The following DLC1 variants were observed in gnomAD, a reference collection of about 807,000 sequenced individuals.
The protein encoded by DLC1 is rho GTPase-activating protein 7.
In DLC1, 54 loss-of-function variants were observed where a neutral mutation model predicts 140.3. That is an observed-to-expected ratio of 0.38 (90% CI 0.31 to 0.48). The LOEUF (loss-of-function observed/expected upper bound fraction) is 0.48. Among genes scored for constraint, DLC1 ranks in the 20% least tolerant of loss-of-function variants. The pLI is 0.96. For synonymous variants in DLC1, 986 were observed against 728.1 expected, an observed-to-expected ratio of 1.35 and a Z score of -5.70; for missense variants, 2,536 against 1,907.0, an observed-to-expected ratio of 1.33 and a Z score of -6.14.
chr8:13,311,849 C>A (rs2117550964), intron 4 of DLC1, among the ~76,000 whole-genome samples: 1 of 152,240 alleles, frequency 6.6e-6, no homozygotes, highest in Non-Finnish European at 1.5e-5. Flanking sequence ...GGGATTCTGA[C>A]CTTGAAAATT....
At chr8:13,400,814 T>A (rs289582) in intron 3 of DLC1, among the ~76,000 whole-genome samples, 1 of 151,840 alleles carries the variant, frequency 6.6e-6, no homozygotes, top group Non-Finnish European at 1.5e-5. Context: ...GCCTTTAATA[T>A]GATGCTGATA....
At chr8:13,305,043 C>G in intron 5 of DLC1, 1 of 1,165,626 alleles carries the variant, frequency 8.6e-7, no homozygotes, top group South Asian at 3.8e-5. Flanking sequence ...AAGGAAGACC[C>G]CAAGAAACAC....
chr8:13,526,759 C>G (rs113498179), intron 1 of DLC1, among the ~76,000 whole-genome samples: 77 of 151,956 alleles, frequency 5.1e-4, no homozygotes, highest in Middle Eastern at 3.4e-3. Context: ...ACATCACACA[C>G]CAGGGCCTGC....
At chr8:13,182,246 A>G (rs770610658) in intron 5 of DLC1, among the ~76,000 whole-genome samples, 1 of 151,788 alleles carries the variant, frequency 6.6e-6, no homozygotes, top group Non-Finnish European at 1.5e-5. Flanking sequence ...GTAGATTGCA[A>G]AAATTTTCTC....
At chr8:13,368,394 A>G (rs748161338) in intron 4 of DLC1, among the ~76,000 whole-genome samples, 2 of 152,144 alleles carry the variant, frequency 1.3e-5, no homozygotes, top group Admixed American at 6.6e-5. Context: ...TGATTAAAGC[A>G]TTGCCTTGCA....
At chr8:13,478,592 C>G (rs866516707) in intron 2 of DLC1, among the ~76,000 whole-genome samples, 2 of 152,180 alleles carry the variant, frequency 1.3e-5, no homozygotes, top group Admixed American at 6.5e-5. Flanking sequence ...AAAGTCTAAG[C>G]CCAGTCTTTC....
intron 1 of DLC1, among the ~76,000 whole-genome samples, chr8:13,530,219 T>A (rs1219764352): frequency 1.3e-5 from 2 of 152,214 alleles, no homozygotes; most frequent in East Asian, 3.9e-4. Context: ...TCTTCCCATA[T>A]CTATTTAGAT....
intron 5 of DLC1, among the ~76,000 whole-genome samples, chr8:13,303,254 A>AG (rs1466995764): frequency 6.6e-6 from 1 of 152,170 alleles, no homozygotes; most frequent in Admixed American, 6.5e-5. Flanking sequence ...GTCCATCCTG[A>AG]GTTGCTAGGT....
chr8:13,202,891 C>G (rs1388927416), intron 5 of DLC1, among the ~76,000 whole-genome samples: 2 of 152,102 alleles, frequency 1.3e-5, no homozygotes, highest in East Asian at 1.9e-4. Context: ...CAAGGCTGGT[C>G]TTGAACTCCT....
chr8:13,312,383 A>T (rs202032961), intron 4 of DLC1, among the ~76,000 whole-genome samples: 1,215 of 94,020 alleles, frequency 0.013, 114 homozygotes, highest in African/African-American at 0.053. Flanking sequence ...AAAAAAAAAA[A>T]AAAAATAATT....
chr8:13,491,076 A>G (rs1284596934), intron 2 of DLC1, among the ~76,000 whole-genome samples: 1 of 148,004 alleles, frequency 6.8e-6, no homozygotes, highest in Non-Finnish European at 1.5e-5. Flanking sequence ...TTAAATCTGA[A>G]TATATACATA....
At chr8:13,242,685 G>A (rs951801426) in intron 5 of DLC1, among the ~76,000 whole-genome samples, 8 of 152,138 alleles carry the variant, frequency 5.3e-5, no homozygotes, top group Admixed American at 1.3e-4. Context: ...GAGCCATTGT[G>A]CCTGGTCTCC....
chr8:13,137,603 G>GTGT (rs372753052), intron 5 of DLC1, among the ~76,000 whole-genome samples: 43,894 of 134,146 alleles, frequency 0.33, 7,272 homozygotes, highest in Admixed American at 0.47. Flanking sequence ...TTTTGGTTTT[G>GTGT]TTTTTTTTTT....
chr8:13,538,365 G>C (rs1346162924), intron 1 of DLC1, among the ~76,000 whole-genome samples: 1 of 146,628 alleles, frequency 6.8e-6, no homozygotes, highest in Non-Finnish European at 1.5e-5. Flanking sequence ...CCAGCACTGA[G>C]TATAAAAAAA....
At chr8:13,280,545 A>G (rs1024043318) in intron 5 of DLC1, among the ~76,000 whole-genome samples, 3 of 152,098 alleles carry the variant, frequency 2.0e-5, no homozygotes, top group Admixed American at 1.3e-4. Context: ...GTAATGTATT[A>G]TTGATTTAAT....
At chr8:13,507,988 T>G (rs993114202) in intron 1 of DLC1, among the ~76,000 whole-genome samples, 1 of 152,218 alleles carries the variant, frequency 6.6e-6, no homozygotes, top group South Asian at 2.1e-4. Context: ...TTAAAACATT[T>G]TTTTTATTCT....
At chr8:13,354,640 G>C (rs1213730705) in intron 4 of DLC1, among the ~76,000 whole-genome samples, 1 of 151,998 alleles carries the variant, frequency 6.6e-6, no homozygotes, top group Admixed American at 6.6e-5. Flanking sequence ...TCAGCTATGT[G>C]CAAAAATGAA....
intron 5 of DLC1, among the ~76,000 whole-genome samples, chr8:13,250,346 G>A (rs1829949355): frequency 1.3e-5 from 2 of 152,130 alleles, no homozygotes; most frequent in Admixed American, 1.3e-4. Context: ...GAGTTCTCCT[G>A]GTTGAAGTCA....
chr8:13,184,821 T>C (rs1486562829), intron 5 of DLC1, among the ~76,000 whole-genome samples: 2 of 152,152 alleles, frequency 1.3e-5, no homozygotes, highest in Non-Finnish European at 2.9e-5. Context: ...GGTCTGCTTG[T>C]TGCAGAGCTG....
Sources: allele counts gnomAD v4.1 joint callset (sites outside exome capture counted in the v4.1 genomes callset), GRCh38; gene constraint gnomAD v4.1.1; transcripts MANE v1.5; gene names NCBI Gene and HGNC (gene_info 2026-07-23, HGNC 2026-07-21).